Variants in CFAP46 observed in about 807,000 individuals in gnomAD.
CFAP46 encodes the protein cilia- and flagella-associated protein 46.
CFAP46 carries 245 observed loss-of-function variants against 325.7 expected under a neutral mutation model. The ratio of observed to expected loss-of-function variants is 0.75; its 90% CI spans 0.68 to 0.84. CFAP46 has a LOEUF of 0.84. CFAP46 is among the 40% of genes least tolerant of loss of function. The pLI, the probability that CFAP46 is intolerant of heterozygous loss-of-function variation, is 0.00. For missense variants in CFAP46, 3,346 were observed against 3,543.0 expected, an observed-to-expected ratio of 0.94 and a Z score of 1.41; for synonymous variants, 1,523 against 1,495.9, an observed-to-expected ratio of 1.02 and a Z score of -0.42.
At chr10:132,934,689 G>A in intron 8 of CFAP46, 63 bp downstream of exon 8, 1 of 1,133,274 alleles carries the variant, frequency 8.8e-7, no homozygotes, top group Non-Finnish European at 1.3e-6. Context: ...ACATTTTTCA[G>A]TGCCTGCTAA....
chr10:132,808,555 G>C lies in CFAP46; in HGVS notation c.8014C>G (p.Pro2672Ala). 1.9e-6 allele frequency: 3 copies of C among 1,612,966 alleles called. No homozygotes were observed. The highest frequency in any genetic ancestry group is 2.2e-5 in the South Asian group (2 of 91,078). ...CTCCAGCCCCGACGCAGACCCCATG[G>C]CGCACACAGGCAGGCAGAGCTCGAG... Reference protein sequence around the residue: ...WTSSSACLCAPWGLRRGWSCV... With the variant: ...WTSSSACLCAAWGLRRGWSCV... Residue 2672 changes from proline to alanine, a missense_variant, in exon 58 of 58, where the codon CCA becomes GCA. Physicochemically the swap from Pro to Ala is conservative, Grantham distance 27. Coordinates refer to ENST00000368586, the MANE Select transcript of CFAP46 (RefSeq NM_001200049.3). The surrounding 1 kb of genome is among the most constrained non-coding windows in gnomAD (Gnocchi z 6.8).
At chr10:132,809,373 G>A (rs1591025660) in intron 57 of CFAP46, among the ~76,000 whole-genome samples, 3 of 152,218 alleles carry the variant, frequency 2.0e-5, no homozygotes, top group African/African-American at 7.2e-5. Flanking sequence ...GCAGGGCATC[G>A]TGTGGGCCCC....
intron 39 of CFAP46, among the ~76,000 whole-genome samples, chr10:132,854,690 G>C (rs147416267): frequency 6.6e-6 from 1 of 152,014 alleles, no homozygotes; most frequent in Non-Finnish European, 1.5e-5. Context: ...AAAATTAACC[G>C]TTTAAAAATA....
rs1188130714 is a variant in CFAP46, at chr10:132,859,035, G to T, written c.5375+36C>A. 6 of 1,534,954 alleles carry T rather than the reference G, an allele frequency of 3.9e-6. No homozygotes were observed. The African/African-American group carries it at 8.2e-5, about 21-fold the overall frequency. ...GGGCGTGTTGTGTGTAAGAGAAGCAGTGACTCCCGTGCAGGGGTCGTGGAG... is the reference window on the plus strand; with the variant it reads ...GGGCGTGTTGTGTGTAAGAGAAGCATTGACTCCCGTGCAGGGGTCGTGGAG... On this transcript the variant is annotated intron_variant, in intron 38 of 57. Transcript: ENST00000368586.
At chr10:132,867,034 G>A (rs1848823919) in intron 34 of CFAP46, among the ~76,000 whole-genome samples, 1 of 152,118 alleles carries the variant, frequency 6.6e-6, no homozygotes, top group Admixed American at 6.5e-5. Flanking sequence ...ATCTTTCCCG[G>A]GGAATTCCAG....
At chr10:132,820,718 ATGTG>A (rs1847783740) in intron 50 of CFAP46, among the ~76,000 whole-genome samples, 5 of 100,200 alleles carry the variant, frequency 5.0e-5, no homozygotes, top group Admixed American at 1.2e-4. Flanking sequence ...GTGTGCGCTG[ATGTG>A]TGCTGTGTGT....
intron 35 of CFAP46, among the ~76,000 whole-genome samples, chr10:132,864,894 C>T (rs1377019013): frequency 1.0e-4 from 15 of 146,378 alleles, no homozygotes; most frequent in African/African-American, 3.8e-4. Flanking sequence ...GACCTGCACA[C>T]ACCTGCCCTC....
intron 50 of CFAP46, among the ~76,000 whole-genome samples, chr10:132,824,356 CTGA>C (rs1427662354): frequency 9.0e-6 from 1 of 110,510 alleles, no homozygotes; most frequent in Non-Finnish European, 1.8e-5. Flanking sequence ...TGTGTGAGCG[CTGA>C]TGTGTGCTGT....
chr10:132,810,520 T>G (rs769382971), intron 56 of CFAP46, 31 bp from the exon 57 acceptor site: 13 of 1,593,258 alleles, frequency 8.2e-6, no homozygotes, highest in Non-Finnish European at 1.1e-5. Flanking sequence ...CAGGAGGGCA[T>G]GGACACCCTG....
At chr10:132,890,075 C>A (rs1217497197) in intron 25 of CFAP46, among the ~76,000 whole-genome samples, 1 of 152,166 alleles carries the variant, frequency 6.6e-6, no homozygotes, top group Non-Finnish European at 1.5e-5. Flanking sequence ...ACGACTTATT[C>A]GACCTGTCTG....
chr10:132,938,662 T>C lies in CFAP46; in HGVS notation c.463A>G (p.Ser155Gly). ...KPGYRHHLIP[S>G]LSQIINVLSQ... ...AGCACGTTTATGATTTGGGAAAGGC[T>C]GGGGATCAGATGGTGACGATATCCA... is the stretch of plus-strand genomic sequence containing the variant. The change falls in exon 5 of 58, where the codon AGC becomes GGC. Residue 155 changes from serine (S) to glycine (G), a missense_variant. Physicochemically the swap from Ser to Gly is moderately conservative, Grantham distance 56 (BLOSUM62 0). Coordinates refer to ENST00000368586, the MANE Select transcript of CFAP46 (RefSeq NM_001200049.3). The C allele has an allele frequency of 6.2e-7, 1 of 1,613,722 alleles. No homozygotes were observed. Among genetic ancestry groups the C allele is most frequent in the East Asian group, 2.2e-5 (1 of 44,876 alleles).
chr10:132,823,551 CTGATGTGT>C (rs1564767361), intron 50 of CFAP46, among the ~76,000 whole-genome samples: 3 of 72,874 alleles, frequency 4.1e-5, no homozygotes, highest in South Asian at 7.4e-4. Context: ...GTGCTGTGTG[CTGATGTGT>C]GCTGATGTGT....
chr10:132,826,203 C>T lies in CFAP46; in HGVS notation c.7117+7155G>A, dbSNP rs1269654929. 1.8e-4 allele frequency among the ~76,000 whole-genome samples: 16 copies of T among 90,522 alleles called. No homozygotes were observed. In the East Asian group the frequency reaches 5.5e-3, roughly 31 times the overall value. The allele number at this position is 90,522 out of a possible 152,430, so 59.4% of individuals were successfully genotyped here. On this transcript the variant is annotated intron_variant, in intron 50 of 57. Transcript: ENST00000368586. ...ACCAGCCACGGAGCCAGGCAGGAGCCGGAGCCACGGAGACCAGCCACGGAG... is the reference window on the plus strand; with the variant it reads ...ACCAGCCACGGAGCCAGGCAGGAGCTGGAGCCACGGAGACCAGCCACGGAG...
In CFAP46 at chr10:132,849,472, G is replaced by C. The variant is rs141490954; in HGVS notation, c.5952+772C>G. Among the ~76,000 whole-genome samples, 3 of 152,302 alleles carry C rather than the reference G, an allele frequency of 2.0e-5. No individual in the cohort carries two copies. In the South Asian group the frequency reaches 6.2e-4, roughly 32 times the overall value. ...TCCTTAGGAGCTGGTGTGTGGGGAC[G>C]AGCCCAGCTTCTCTGCTGGGGCAGG... On this transcript the variant is annotated intron_variant, in intron 41 of 57. Transcript: ENST00000368586.
intron 39 of CFAP46, among the ~76,000 whole-genome samples, chr10:132,856,267 T>G (rs924673073): frequency 3.9e-5 from 6 of 152,228 alleles, no homozygotes; most frequent in Non-Finnish European, 8.8e-5. Context: ...TGCACTGGTG[T>G]TAAAGTGTTT....
At chr10:132,837,519 G>T (rs1228933262) in intron 44 of CFAP46, among the ~76,000 whole-genome samples, 2 of 132,206 alleles carry the variant, frequency 1.5e-5, no homozygotes, top group Non-Finnish European at 3.2e-5. Context: ...ACACAGACAT[G>T]CACAGACACA....
intron 22 of CFAP46, among the ~76,000 whole-genome samples, chr10:132,905,527 G>T (rs1849444943): frequency 6.7e-6 from 1 of 149,382 alleles, no homozygotes; most frequent in Non-Finnish European, 1.5e-5. Context: ...AATGGTGTAT[G>T]GGAAGTACAC....
chr10:132,941,541 T>G (rs375032576), intron 3 of CFAP46, 50 bp downstream of exon 3: 1 of 1,583,586 alleles, frequency 6.3e-7, no homozygotes, highest in Non-Finnish European at 8.6e-7. Flanking sequence ...GCTCTGGAGA[T>G]GGGGTGAAAA....
At position 132,886,981 on chromosome 10, in the gene CFAP46, CTT is replaced by C. The variant is rs1397345518; in HGVS notation, c.3305-1024_3305-1023del. On this transcript the variant is annotated intron_variant, in intron 25 of 57. Coordinates refer to ENST00000368586, the MANE Select transcript of CFAP46 (RefSeq NM_001200049.3). The surrounding 1 kb of genome is among the most constrained non-coding windows in gnomAD (Gnocchi z 5.8). Reference sequence around the variant, plus strand: ...TTTCAGAGGTCAGTGAAGGATCTGTCTTCTCTCTTTTCTCTTCTCTCTCTCTC... The same window carrying C: ...TTTCAGAGGTCAGTGAAGGATCTGTCCTCTCTTTTCTCTTCTCTCTCTCTC... Among the ~76,000 whole-genome samples the C allele has an allele frequency of 6.6e-6, 1 of 152,072 alleles. No homozygotes were observed. Among genetic ancestry groups the C allele is most frequent in the Non-Finnish European group, 1.5e-5 (1 of 68,020 alleles).
Sources: gnomAD v4.1 joint callset for allele counts (sites outside exome capture counted in the v4.1 genomes callset) on GRCh38, gnomAD v4.1.1 for gene constraint, Gnocchi (gnomAD v3.1) non-coding constraint, MANE v1.5 for transcripts, NCBI Gene and HGNC (gene_info 2026-07-23, HGNC 2026-07-21) for gene names.